Variants in KLRG1 observed in about 807,000 individuals in gnomAD.
KLRG1 encodes the protein killer cell lectin-like receptor subfamily G member 1.
In KLRG1, 16 loss-of-function variants were observed where a neutral mutation model predicts 21.8. That is an observed-to-expected ratio of 0.73 (90% CI 0.50 to 1.11). KLRG1 has a LOEUF of 1.11. Ranked by LOEUF, KLRG1 falls within the 50% of genes most tolerant of loss-of-function variation. The pLI is 0.00. For synonymous variants in KLRG1, 69 were observed against 75.9 expected (o/e 0.91, Z 0.47); for missense variants, 173 against 218.3 (o/e 0.79, Z 1.31).
chr12:9,109,931 G>A, the KLRG1 span: 3 of 1,613,760 alleles, frequency 1.9e-6, no homozygotes, highest in African/African-American at 4.0e-5. Context: ...CCACCACCTT[G>A]TAGGAGCCCT....
At chr12:9,091,735 A>G in the KLRG1 span, among the ~76,000 whole-genome samples, 1 of 152,206 alleles carries the variant, frequency 6.6e-6, no homozygotes, top group Admixed American at 6.5e-5. Context: ...GGGCTGCTTT[A>G]TAATTTTAAA....
chr12:8,950,627 G>A (rs1946182628), intron 1 of KLRG1, among the ~76,000 whole-genome samples: 2 of 151,634 alleles, frequency 1.3e-5, no homozygotes, highest in African/African-American at 4.8e-5. Context: ...TGCCTCTCTG[G>A]CTCTATGCAG....
chr12:8,975,449 A>G (rs1023293305), intron 1 of KLRG1, among the ~76,000 whole-genome samples: 4 of 152,224 alleles, frequency 2.6e-5, no homozygotes, highest in Non-Finnish European at 4.4e-5. Context: ...TTGTTGGCAT[A>G]TAATTATTCT....
At chr12:9,190,979 CTA>C in the KLRG1 span, among the ~76,000 whole-genome samples, 16 of 152,076 alleles carry the variant, frequency 1.1e-4, no homozygotes, top group Admixed American at 9.2e-4. Context: ...TAATTAATAA[CTA>C]TTAAAATATG....
intron 3 of KLRG1, among the ~76,000 whole-genome samples, chr12:8,995,768 C>T (rs986527851): frequency 6.6e-6 from 1 of 151,800 alleles, no homozygotes; most frequent in African/African-American, 2.4e-5. Context: ...CTCCAACCTC[C>T]GCCTCCCAGG....
chr12:9,076,875 C>T, the KLRG1 span: 2 of 1,612,972 alleles, frequency 1.2e-6, no homozygotes. Context: ...GCCATGGTCC[C>T]CTTCTTGTGC....
chr12:9,068,101 C>T, the KLRG1 span: 1 of 1,458,058 alleles, frequency 6.9e-7, no homozygotes, highest in Non-Finnish European at 9.5e-7. Flanking sequence ...CAAATATTTA[C>T]CCAGCGTTTT....
the KLRG1 span, among the ~76,000 whole-genome samples, chr12:9,136,012 T>C: frequency 1.3e-5 from 2 of 152,168 alleles, no homozygotes; most frequent in African/African-American, 4.8e-5. Context: ...GTTTTAAACA[T>C]AGTAGTACTG....
the KLRG1 span, among the ~76,000 whole-genome samples, chr12:9,176,071 A>G: frequency 6.6e-5 from 10 of 152,360 alleles, no homozygotes; most frequent in South Asian, 4.1e-4. Flanking sequence ...ATGCCCATCA[A>G]TGATAGACTG....
At chr12:9,184,766 C>A in the KLRG1 span, among the ~76,000 whole-genome samples, 1 of 152,212 alleles carries the variant, frequency 6.6e-6, no homozygotes, top group African/African-American at 2.4e-5. Flanking sequence ...GATACCAGTT[C>A]CCCAGAGTTA....
the KLRG1 span, among the ~76,000 whole-genome samples, chr12:9,097,242 A>C: frequency 5.9e-5 from 9 of 152,200 alleles, no homozygotes; most frequent in African/African-American, 2.2e-4. Flanking sequence ...TAATATTTTC[A>C]GTTAAAATCC....
chr12:9,087,002 T>C, the KLRG1 span, among the ~76,000 whole-genome samples: 1 of 152,020 alleles, frequency 6.6e-6, no homozygotes, highest in Non-Finnish European at 1.5e-5. Context: ...CAATGAATGA[T>C]TGAGAAAGAA....
At chr12:9,013,346 A>G (rs1314088195), downstream of KLRG1, among the ~76,000 whole-genome samples, 1 of 152,236 alleles carries the variant, frequency 6.6e-6, no homozygotes, top group Non-Finnish European at 1.5e-5. Context: ...AAGACCATCG[A>G]GGAAAACATG....
chr12:9,156,799 A>G, the KLRG1 span, among the ~76,000 whole-genome samples: 1 of 152,156 alleles, frequency 6.6e-6, no homozygotes. Context: ...CAGAAGGAAT[A>G]TATTTCTTCT....
chr12:8,976,118 C>T (rs1946653961), intron 1 of KLRG1, among the ~76,000 whole-genome samples: 1 of 152,014 alleles, frequency 6.6e-6, no homozygotes, highest in East Asian at 1.9e-4. Context: ...AAAGGTTCCT[C>T]TTAGTATTGC....
At chr12:9,013,716 A>G (rs1947662437), downstream of KLRG1, among the ~76,000 whole-genome samples, 1 of 152,072 alleles carries the variant, frequency 6.6e-6, no homozygotes, top group African/African-American at 2.4e-5. Context: ...TGAGAATAGC[A>G]TGGGAAAGAC....
chr12:9,093,616 TACAG>T, the KLRG1 span: 2 of 1,189,508 alleles, frequency 1.7e-6, no homozygotes, highest in Non-Finnish European at 2.3e-6. Context: ...ACAATAAACA[TACAG>T]ATAAAGCTTA....
Position 8,992,446 on chromosome 12 carries a change from A to G in KLRG1, c.187+136A>G, listed in dbSNP as rs993551176. 1.6e-4 allele frequency: 92 copies of G among 593,012 alleles called. 1 individual carries two copies. Among genetic ancestry groups the G allele is most frequent in the Middle Eastern group, 9.1e-4 (2 of 2,202 alleles). The allele number at this position is 593,012 out of a possible 1,614,324, so 36.7% of individuals were successfully genotyped here. The stretch of plus-strand genomic sequence containing the variant: ...ATCTGTATACAGCTATTTCCTGGGT[A>G]TAGCCTTTGACCATGTGCACTTGTG... On this transcript the variant is annotated intron_variant, in intron 2 of 4. Transcript: ENST00000356986.
the KLRG1 span, among the ~76,000 whole-genome samples, chr12:9,071,297 A>G: frequency 6.6e-6 from 1 of 152,204 alleles, no homozygotes; most frequent in Admixed American, 6.5e-5. Context: ...AATAATTTAT[A>G]ATGTTTACTT....
Sources: gnomAD v4.1 joint callset for allele counts (sites outside exome capture counted in the v4.1 genomes callset) on GRCh38, gnomAD v4.1.1 for gene constraint, MANE v1.5 for transcripts, NCBI Gene and HGNC (gene_info 2026-07-23, HGNC 2026-07-21) for gene names.